Variants in TMEM117 observed in about 807,000 individuals in gnomAD.
TMEM117 encodes transmembrane protein 117.
Under a neutral mutation model 52.4 loss-of-function variants are expected in TMEM117, and 27 were observed. The observed-to-expected ratio is 0.51, with a 90% CI of 0.38 to 0.71. The LOEUF is 0.71. Ranked by LOEUF, TMEM117 falls within the 30% of genes least tolerant of loss-of-function variation. The pLI, the probability that TMEM117 is intolerant of heterozygous loss-of-function variation, is 0.00. For synonymous variants in TMEM117, 215 were observed against 206.3 expected (o/e 1.04, Z -0.36); for missense variants, 556 against 630.5 (o/e 0.88, Z 1.26).
intron 5 of TMEM117, among the ~76,000 whole-genome samples, chr12:44,247,260 G>T (rs1950142498): frequency 6.6e-6 from 1 of 152,232 alleles, no homozygotes; most frequent in African/African-American, 2.4e-5. Context: ...CTAACTAGCT[G>T]AACTTTATAC....
At chr12:44,002,987 C>A (rs914931225) in intron 3 of TMEM117, among the ~76,000 whole-genome samples, 1 of 152,144 alleles carries the variant, frequency 6.6e-6, no homozygotes, top group African/African-American at 2.4e-5. Flanking sequence ...CAAGGAGGGC[C>A]TTTAACTTAC....
At chr12:44,240,163 C>T (rs974574021) in intron 5 of TMEM117, among the ~76,000 whole-genome samples, 2 of 152,130 alleles carry the variant, frequency 1.3e-5, no homozygotes, top group African/African-American at 2.4e-5. Context: ...GCCATGTATT[C>T]TGCTGCATGA....
upstream of TMEM117, among the ~76,000 whole-genome samples, chr12:43,831,274 A>C (rs1942979676): frequency 6.6e-6 from 1 of 152,212 alleles, no homozygotes. Context: ...AGTTTTGCTC[A>C]GAGTCCATCT....
At chr12:44,339,578 T>G (rs1319388908) in intron 6 of TMEM117, among the ~76,000 whole-genome samples, 1 of 152,068 alleles carries the variant, frequency 6.6e-6, no homozygotes, top group Non-Finnish European at 1.5e-5. Context: ...ATTAATATAC[T>G]ATACAGATAT....
chr12:44,297,168 G>A (rs984961319), intron 5 of TMEM117, among the ~76,000 whole-genome samples: 1 of 152,174 alleles, frequency 6.6e-6, no homozygotes, highest in Non-Finnish European at 1.5e-5. Flanking sequence ...TTTCTCAGCA[G>A]ACACTTATTC....
intron 3 of TMEM117, among the ~76,000 whole-genome samples, chr12:44,052,872 G>A (rs11182404): frequency 0.16 from 24,406 of 152,076 alleles, 2,966 homozygotes; most frequent in African/African-American, 0.34. Flanking sequence ...ACACATATGA[G>A]TCTCTCTGAT....
chr12:43,902,718 C>T (rs534983256), intron 2 of TMEM117, among the ~76,000 whole-genome samples: 14 of 152,220 alleles, frequency 9.2e-5, no homozygotes, highest in African/African-American at 3.4e-4. Context: ...AGATTCAGTG[C>T]TATTTAACAC....
intron 3 of TMEM117, among the ~76,000 whole-genome samples, chr12:44,062,196 A>G (rs1947150256): frequency 6.6e-6 from 1 of 152,222 alleles, no homozygotes; most frequent in South Asian, 2.1e-4. Flanking sequence ...AAGGGTTTGA[A>G]TGCTATCAGA....
At chr12:44,145,136 G>A (rs541849788) in intron 4 of TMEM117, among the ~76,000 whole-genome samples, 3 of 152,222 alleles carry the variant, frequency 2.0e-5, no homozygotes, top group African/African-American at 7.2e-5. Flanking sequence ...CAGCCTGGGC[G>A]ACAGAGCGAG....
At chr12:43,961,976 A>G (rs1303380047) in intron 3 of TMEM117, among the ~76,000 whole-genome samples, 2 of 152,188 alleles carry the variant, frequency 1.3e-5, no homozygotes, top group East Asian at 1.9e-4. Context: ...AGGTTATCCT[A>G]TTTGTTATTA....
chr12:43,964,130 A>C (rs909965869), intron 3 of TMEM117, among the ~76,000 whole-genome samples: 1 of 152,142 alleles, frequency 6.6e-6, no homozygotes, highest in African/African-American at 2.4e-5. Context: ...TCTCTCTGGG[A>C]TCAAGGCTGA....
Position 43,920,665 on chromosome 12 carries a change from C to T in TMEM117, c.278-23545C>T, listed in dbSNP as rs115214074. Among the ~76,000 whole-genome samples the T allele has an allele frequency of 7.0e-3, 1,046 of 150,012 alleles. 10 individuals are homozygous for T. The highest frequency in any genetic ancestry group is 0.023 in the African/African-American group (943 of 41,080). On this transcript the variant is annotated intron_variant, in intron 2 of 7. Transcript: ENST00000266534. ...TCCTGGGGCTCAAGGAGTGATCCCT[C>T]TGCCTCAGCCTCCTGAGTAGCTGGC... is the stretch of plus-strand genomic sequence containing the variant.
chr12:44,140,947 T>C (rs1229989248), intron 3 of TMEM117, among the ~76,000 whole-genome samples: 1 of 152,162 alleles, frequency 6.6e-6, no homozygotes, highest in Non-Finnish European at 1.5e-5. Flanking sequence ...CAGCTGTGTG[T>C]CATGCTGTCT....
At chr12:44,167,817 G>A (rs1322840673) in intron 4 of TMEM117, among the ~76,000 whole-genome samples, 2 of 152,122 alleles carry the variant, frequency 1.3e-5, no homozygotes, top group Non-Finnish European at 2.9e-5. Flanking sequence ...CAGTTCTGAG[G>A]TCTGCATTAC....
At chr12:44,142,633 T>A in intron 3 of TMEM117, among the ~76,000 whole-genome samples, 1 of 152,208 alleles carries the variant, frequency 6.6e-6, no homozygotes, top group East Asian at 1.9e-4. Context: ...CAGGTATTAT[T>A]ATGTATAAGA....
intron 3 of TMEM117, among the ~76,000 whole-genome samples, chr12:44,042,799 CACACACA>C (rs1946822169): frequency 2.8e-5 from 4 of 145,306 alleles, no homozygotes; most frequent in African/African-American, 1.1e-4. Context: ...CACACACACA[CACACACA>C]CACTTATTAG....
chr12:44,148,996 A>G (rs1459820562), intron 4 of TMEM117, among the ~76,000 whole-genome samples: 2 of 152,206 alleles, frequency 1.3e-5, no homozygotes, highest in African/African-American at 4.8e-5. Flanking sequence ...CAACCAGGCT[A>G]TGCACTTCTT....
chr12:44,254,808 C>G (rs1332171796), intron 5 of TMEM117, among the ~76,000 whole-genome samples: 2 of 151,862 alleles, frequency 1.3e-5, no homozygotes, highest in African/African-American at 4.8e-5. Context: ...TCCCTCCCCT[C>G]TCCCCCCACC....
intron 5 of TMEM117, among the ~76,000 whole-genome samples, chr12:44,217,030 G>C (rs561014989): frequency 3.3e-5 from 5 of 152,202 alleles, no homozygotes; most frequent in Non-Finnish European, 5.9e-5. Flanking sequence ...AAGGAACTTA[G>C]TTGTTTACCT....
Sources: gnomAD v4.1 joint callset for allele counts (sites outside exome capture counted in the v4.1 genomes callset) on GRCh38, gnomAD v4.1.1 for gene constraint, MANE v1.5 for transcripts, NCBI Gene and HGNC (gene_info 2026-07-23, HGNC 2026-07-21) for gene names.